Variants in APBA2 observed in about 807,000 individuals in gnomAD.
APBA2 encodes the protein amyloid beta precursor protein binding family A member 2.
A neutral mutation model predicts 75.0 loss-of-function variants in APBA2; 30 were observed. The ratio of observed to expected loss-of-function variants is 0.40; its 90% CI spans 0.30 to 0.54. APBA2 has a LOEUF of 0.54. Among genes scored for constraint, APBA2 ranks in the 20% least tolerant of loss-of-function variants. APBA2 has a pLI of 0.49. For synonymous variants in APBA2, 444 were observed against 409.6 expected (o/e 1.08, Z -1.01); for missense variants, 801 against 1,016.1 (o/e 0.79, Z 2.88).
At chr15:28,962,764 C>T (rs759289014) in intron 2 of APBA2, among the ~76,000 whole-genome samples, 3 of 152,022 alleles carry the variant, frequency 2.0e-5, no homozygotes, top group Non-Finnish European at 4.4e-5. Flanking sequence ...ATTGCTCTTC[C>T]ACTAGCTTTA....
At chr15:28,924,473 T>C (rs2034149713) in intron 2 of APBA2, among the ~76,000 whole-genome samples, 1 of 152,206 alleles carries the variant, frequency 6.6e-6, no homozygotes, top group South Asian at 2.1e-4. Flanking sequence ...CTCCATGGAC[T>C]TACATATTCT....
chr15:28,987,727 G>GATATATAT (rs1252518408), intron 2 of APBA2, among the ~76,000 whole-genome samples: 37 of 115,092 alleles, frequency 3.2e-4, no homozygotes, highest in African/African-American at 1.4e-3. Flanking sequence ...TATGTGGAGA[G>GATATATAT]AGATATATAT....
intron 3 of APBA2, among the ~76,000 whole-genome samples, chr15:29,017,228 C>T (rs896622919): frequency 4.6e-5 from 7 of 151,996 alleles, no homozygotes; most frequent in African/African-American, 9.7e-5. Flanking sequence ...GCTTGCTGCA[C>T]GCACTTCTGG....
At chr15:29,085,059 A>G (rs948233154) in intron 6 of APBA2, among the ~76,000 whole-genome samples, 1 of 152,118 alleles carries the variant, frequency 6.6e-6, no homozygotes, top group African/African-American at 2.4e-5. Context: ...CTAGTAATTG[A>G]TTAGAAGTTG....
intron 2 of APBA2, among the ~76,000 whole-genome samples, chr15:28,994,915 T>G (rs897177540): frequency 6.6e-6 from 1 of 152,226 alleles, no homozygotes. Flanking sequence ...GCTCAACAGC[T>G]GATGCCCCCG....
At chr15:28,897,814 G>A (rs1275990117) in intron 1 of APBA2, among the ~76,000 whole-genome samples, 2 of 152,158 alleles carry the variant, frequency 1.3e-5, no homozygotes, top group African/African-American at 4.8e-5. Flanking sequence ...GAAATGGAGT[G>A]AAATGGGCAT....
chr15:29,075,036 A>C, intron 5 of APBA2, 35 bp downstream of exon 5: 1 of 1,488,438 alleles, frequency 6.7e-7, no homozygotes, highest in Non-Finnish European at 9.3e-7. Context: ...TCTGGGCTGG[A>C]ACACTCATCT....
At chr15:28,927,307 G>T (rs776646672) in intron 2 of APBA2, among the ~76,000 whole-genome samples, 1 of 150,830 alleles carries the variant, frequency 6.6e-6, no homozygotes, top group African/African-American at 2.5e-5. Context: ...GTTCAAATAT[G>T]GTGTGCCTAG....
intron 2 of APBA2, among the ~76,000 whole-genome samples, chr15:28,928,897 G>C (rs57417849): frequency 0.012 from 1,901 of 152,248 alleles, 37 homozygotes; most frequent in African/African-American, 0.043. Flanking sequence ...GCAGCAATTT[G>C]TCAGAATTAC....
chr15:29,044,607 C>G (rs960686388), intron 3 of APBA2, among the ~76,000 whole-genome samples: 5 of 152,056 alleles, frequency 3.3e-5, no homozygotes, highest in South Asian at 2.1e-4. Context: ...CCACACCCCC[C>G]CTGGGCTCAT....
intron 1 of APBA2, among the ~76,000 whole-genome samples, chr15:28,900,369 C>T (rs1006613926): frequency 6.6e-6 from 1 of 152,168 alleles, no homozygotes; most frequent in Admixed American, 6.5e-5. Flanking sequence ...GTCGCTTGTG[C>T]CCTCTCGGGC....
At position 29,108,403 on chromosome 15, in the gene APBA2, C is replaced by G; in HGVS notation, c.2037+14C>G. The G allele has an allele frequency of 3.7e-6, 6 of 1,613,944 alleles. No homozygotes were observed. Among genetic ancestry groups the G allele is most frequent in the Non-Finnish European group, 3.4e-6 (4 of 1,180,034 alleles). Reference sequence around the variant, plus strand: ...CAGAATGGAATTGTGAGTTCCCCCTCCTGCTCTGGGCCACCACCACCACTG... The same window carrying G: ...CAGAATGGAATTGTGAGTTCCCCCTGCTGCTCTGGGCCACCACCACCACTG... On this transcript the variant is annotated intron_variant, in intron 13 of 14. Coordinates refer to ENST00000683413, the MANE Select transcript of APBA2 (RefSeq NM_001353788.2).
intron 6 of APBA2, among the ~76,000 whole-genome samples, chr15:29,078,239 A>C (rs1376691447): frequency 6.6e-6 from 1 of 152,012 alleles, no homozygotes; most frequent in Non-Finnish European, 1.5e-5. Context: ...GATTGCAATG[A>C]GCCAAGATCA....
chr15:28,977,491 AAGG>A (rs1168824198), intron 2 of APBA2: 1 of 152,112 alleles, frequency 6.6e-6, no homozygotes, highest in Non-Finnish European at 1.5e-5. Flanking sequence ...AGCATTTTAG[AAGG>A]AGGTTTCTCA....
At chr15:28,902,522 C>T (rs555297776) in intron 1 of APBA2, among the ~76,000 whole-genome samples, 13 of 152,084 alleles carry the variant, frequency 8.5e-5, no homozygotes, top group Admixed American at 3.3e-4. Context: ...CAGGAGGTCC[C>T]GGAGCAGAAA....
At chr15:29,000,808 T>C (rs1413962967) in intron 3 of APBA2, among the ~76,000 whole-genome samples, 1 of 152,168 alleles carries the variant, frequency 6.6e-6, no homozygotes, top group Non-Finnish European at 1.5e-5. Flanking sequence ...TTGACCAGGC[T>C]GGTCTTGAAC....
intron 1 of APBA2, among the ~76,000 whole-genome samples, chr15:28,907,699 A>G (rs1050396408): frequency 6.6e-6 from 1 of 151,592 alleles, no homozygotes; most frequent in African/African-American, 2.4e-5. Context: ...GCGTCCCATC[A>G]TAGATATGAC....
intron 6 of APBA2, among the ~76,000 whole-genome samples, chr15:29,087,264 TAAAA>T (rs377060964): frequency 5.1e-4 from 78 of 151,908 alleles, no homozygotes; most frequent in African/African-American, 1.5e-3. Context: ...CATTTTTTTT[TAAAA>T]AAAATTATTT....
At chr15:28,993,194 C>T (rs1441759285) in intron 2 of APBA2, among the ~76,000 whole-genome samples, 1 of 152,178 alleles carries the variant, frequency 6.6e-6, no homozygotes, top group Non-Finnish European at 1.5e-5. Flanking sequence ...GAGTCAGCTG[C>T]CCCCAGGGAC....
Sources: gnomAD v4.1 joint callset for allele counts (sites outside exome capture counted in the v4.1 genomes callset) on GRCh38, gnomAD v4.1.1 for gene constraint, MANE v1.5 for transcripts, NCBI Gene and HGNC (gene_info 2026-07-23, HGNC 2026-07-21) for gene names.